Variants in FLACC1 observed in about 807,000 individuals in gnomAD.
FLACC1 encodes flagellum associated containing coiled-coil domains 1, also known as flagellum-associated coiled-coil domain-containing protein 1.
FLACC1 carries 66 observed loss-of-function variants against 62.8 expected under a neutral mutation model. The observed-to-expected ratio is 1.05, with a 90% CI of 0.86 to 1.29. The LOEUF (loss-of-function observed/expected upper bound fraction) is 1.29, where lower values mean the gene tolerates loss of function less well. Among genes scored for constraint, FLACC1 ranks in the 50% most tolerant of loss-of-function variants. The pLI is 0.00. For synonymous variants in FLACC1, 156 were observed against 161.0 expected, an observed-to-expected ratio of 0.97 and a Z score of 0.24; for missense variants, 452 against 489.1, an observed-to-expected ratio of 0.92 and a Z score of 0.71.
chr2:201,344,929 G>T (rs1047686024), intron 5 of FLACC1, among the ~76,000 whole-genome samples: 1 of 152,160 alleles, frequency 6.6e-6, no homozygotes, highest in Non-Finnish European at 1.5e-5. Flanking sequence ...AGAGAATGTG[G>T]GCTGATAAAA....
intron 9 of FLACC1, among the ~76,000 whole-genome samples, chr2:201,319,420 C>T (rs1950361984): frequency 6.6e-6 from 1 of 152,052 alleles, no homozygotes; most frequent in South Asian, 2.1e-4. Context: ...AGAAGAAAAC[C>T]TAGGAAACAC....
intron 12 of FLACC1, among the ~76,000 whole-genome samples, chr2:201,294,049 A>G (rs1323172403): frequency 6.6e-6 from 1 of 152,188 alleles, no homozygotes; most frequent in Admixed American, 6.5e-5. Context: ...TAACCAAAAA[A>G]AGTCCAGGAC....
intron 7 of FLACC1, among the ~76,000 whole-genome samples, chr2:201,339,596 T>C (rs2125606332): frequency 6.6e-6 from 1 of 152,276 alleles, no homozygotes; most frequent in African/African-American, 2.4e-5. Flanking sequence ...TTTGGTATAT[T>C]GTATTTCAAT....
At chr2:201,351,549 T>C (rs1951029550) in intron 1 of FLACC1, 98 bp from the exon 2 acceptor site, 1 of 641,058 alleles carries the variant, frequency 1.6e-6, no homozygotes, top group Non-Finnish European at 2.7e-6. Context: ...CAAAGAACAA[T>C]GGTAGATTCC....
chr2:201,347,722 T>C (rs1950945097), intron 4 of FLACC1, among the ~76,000 whole-genome samples: 1 of 152,092 alleles, frequency 6.6e-6, no homozygotes, highest in South Asian at 2.1e-4. Flanking sequence ...AGGGTGCTTT[T>C]TCTGAAATGT....
chr2:201,330,474 T>C lies in FLACC1; in HGVS notation c.671A>G (p.Tyr224Cys), dbSNP rs758240328. ...YKYLKNMFRTYQDSIYDEMEE... is the reference protein window; with the variant it reads ...YKYLKNMFRTCQDSIYDEMEE... ...ACAGGGAGCTGTGTATCTCACCTGA[T>C]ACGTACGAAACATATTCTTCAAATA... Residue 224 changes from tyrosine (Y) to cysteine (C), a missense_variant, in exon 9 of 15, where the codon TAT becomes TGT. Tyr to Cys is a radical substitution (Grantham distance 194, BLOSUM62 -2). Coordinates refer to ENST00000392257, the MANE Select transcript of FLACC1 (RefSeq NM_001127391.3). 6.2e-7 allele frequency: 1 copy of C among 1,613,680 alleles called. No homozygotes were observed. Among genetic ancestry groups the C allele is most frequent in the East Asian group, 2.2e-5 (1 of 44,880 alleles).
chr2:201,303,667 G>A (rs1171117626), intron 11 of FLACC1, among the ~76,000 whole-genome samples: 1 of 152,166 alleles, frequency 6.6e-6, no homozygotes, highest in African/African-American at 2.4e-5. Flanking sequence ...GAACATCGAT[G>A]CAAAAATCCT....
chr2:201,344,356 C>G (rs1950872379), intron 5 of FLACC1, 93 bp from the exon 6 acceptor site: 1 of 929,306 alleles, frequency 1.1e-6, no homozygotes. Context: ...ATGGTGAGAG[C>G]TGGCCTGGTG....
In FLACC1 at chr2:201,299,248, T is replaced by C. The variant is rs752046128; in HGVS notation, c.932A>G (p.Lys311Arg). 2 of 1,613,726 alleles carry C rather than the reference T, an allele frequency of 1.2e-6. No homozygotes were observed. Among genetic ancestry groups the C allele is most frequent in the Non-Finnish European group, 8.5e-7 (1 of 1,179,848 alleles). Reference sequence around the variant, plus strand: ...GATGAAAAAGCTTACCTCTTTGGTTTTTCTCAGCTCTTCTAATTGCAAGGT... The same window carrying C: ...GATGAAAAAGCTTACCTCTTTGGTTCTTCTCAGCTCTTCTAATTGCAAGGT... ...SDTLQLEELR[K>R]TKEVMQEELH... is the part of the protein sequence containing the mutation. The change falls in exon 12 of 15, where the codon AAA (lysine) becomes AGA (arginine). Residue 311 changes from lysine to arginine, a missense_variant. Coordinates refer to ENST00000392257, the MANE Select transcript of FLACC1 (RefSeq NM_001127391.3).
chr2:201,318,308 C>A (rs1347169368), intron 9 of FLACC1, among the ~76,000 whole-genome samples: 1 of 152,198 alleles, frequency 6.6e-6, no homozygotes, highest in South Asian at 2.1e-4. Context: ...AGCAAACAGA[C>A]AACCCACAGA....
intron 9 of FLACC1, among the ~76,000 whole-genome samples, chr2:201,318,885 C>T (rs1206597072): frequency 6.6e-6 from 1 of 152,002 alleles, no homozygotes; most frequent in African/African-American, 2.4e-5. Flanking sequence ...TAAGTGGAAG[C>T]TAAGCTATGA....
At chr2:201,345,078 A>G (rs1006864197) in intron 5 of FLACC1, among the ~76,000 whole-genome samples, 1 of 152,198 alleles carries the variant, frequency 6.6e-6, no homozygotes, top group Non-Finnish European at 1.5e-5. Flanking sequence ...AGGGAATACA[A>G]CAAGCACAGG....
chr2:201,311,158 TAA>T (rs373798913), intron 9 of FLACC1, among the ~76,000 whole-genome samples: 11 of 132,050 alleles, frequency 8.3e-5, no homozygotes, highest in Non-Finnish European at 9.8e-5. Context: ...AATCTAACAC[TAA>T]AAAAAAAAAA....
At chr2:201,364,255 AG>A in the FLACC1 span, among the ~76,000 whole-genome samples, 1 of 152,228 alleles carries the variant, frequency 6.6e-6, no homozygotes, top group East Asian at 1.9e-4. Context: ...CTCCCTAGAG[AG>A]GGGGGAAAAG....
chr2:201,350,201 A>G (rs1052131490), intron 3 of FLACC1, among the ~76,000 whole-genome samples: 17 of 152,184 alleles, frequency 1.1e-4, no homozygotes, highest in African/African-American at 3.1e-4. Context: ...CCTGGCCAAC[A>G]TGGTGAAACC....
chr2:201,292,043 C>A (rs1273947013), intron 12 of FLACC1, among the ~76,000 whole-genome samples: 4 of 151,314 alleles, frequency 2.6e-5, no homozygotes, highest in Non-Finnish European at 5.9e-5. Flanking sequence ...ACCAAATCTA[C>A]GTCTGATTGG....
At chr2:201,298,021 G>A (rs1445062396) in intron 12 of FLACC1, among the ~76,000 whole-genome samples, 1 of 152,190 alleles carries the variant, frequency 6.6e-6, no homozygotes, top group East Asian at 1.9e-4. Flanking sequence ...GGAGGCAAGT[G>A]CCTCTGGGGT....
At chr2:201,303,767 G>A (rs1950041180) in intron 11 of FLACC1, among the ~76,000 whole-genome samples, 1 of 152,168 alleles carries the variant, frequency 6.6e-6, no homozygotes, top group Non-Finnish European at 1.5e-5. Flanking sequence ...ATGCAAGGCT[G>A]GTTCAACATA....
At chr2:201,295,267 C>T (rs1170453075) in intron 12 of FLACC1, among the ~76,000 whole-genome samples, 1 of 152,190 alleles carries the variant, frequency 6.6e-6, no homozygotes, top group Non-Finnish European at 1.5e-5. Context: ...AACTATACTA[C>T]AAGTCTACAG....
Sources: allele counts gnomAD v4.1 joint callset (sites outside exome capture counted in the v4.1 genomes callset), GRCh38; gene constraint gnomAD v4.1.1; transcripts MANE v1.5; gene names NCBI Gene and HGNC (gene_info 2026-07-23, HGNC 2026-07-21).